The following NGF variants were observed in gnomAD, a reference collection of about 807,000 sequenced individuals.
NGF encodes the protein nerve growth factor.
Under a neutral mutation model 12.8 loss-of-function variants are expected in NGF, and 4 were observed. The observed-to-expected ratio is 0.31, with a 90% CI of 0.15 to 0.72. NGF has a LOEUF of 0.72. Among genes scored for constraint, NGF ranks in the 30% least tolerant of loss-of-function variants. The pLI is 0.69. For synonymous variants in NGF, 140 were observed against 130.0 expected (o/e 1.08, Z -0.52); for missense variants, 283 against 330.8 (o/e 0.86, Z 1.12).
At chr1:115,297,624 G>A (rs567441437) in intron 1 of NGF, among the ~76,000 whole-genome samples, 2 of 152,280 alleles carry the variant, frequency 1.3e-5, no homozygotes, top group East Asian at 3.9e-4. Context: ...TCTGCTGATC[G>A]TTTTTCAAGG....
intron 1 of NGF, among the ~76,000 whole-genome samples, chr1:115,329,095 AG>A (rs1327149368): frequency 1.3e-5 from 2 of 152,008 alleles, no homozygotes; most frequent in African/African-American, 2.4e-5. Flanking sequence ...AGAAAGAGGA[AG>A]GGAGAAGGGA....
intron 1 of NGF, among the ~76,000 whole-genome samples, chr1:115,299,512 C>G (rs1653968966): frequency 6.6e-6 from 1 of 152,092 alleles, no homozygotes; most frequent in Non-Finnish European, 1.5e-5. Context: ...ACGGCCCACA[C>G]CCCAGGGAGG....
intron 1 of NGF, among the ~76,000 whole-genome samples, chr1:115,321,147 G>A (rs1049248951): frequency 4.6e-5 from 7 of 152,172 alleles, no homozygotes; most frequent in Non-Finnish European, 7.3e-5. Flanking sequence ...CACTTAGCAC[G>A]TGGAAATGGC....
At chr1:115,335,116 C>G (rs986047394) in intron 1 of NGF, among the ~76,000 whole-genome samples, 1 of 152,204 alleles carries the variant, frequency 6.6e-6, no homozygotes, top group Non-Finnish European at 1.5e-5. Flanking sequence ...ACCAGAAAGT[C>G]TTCTCCATTG....
At chr1:115,336,383 T>TG (rs1655109191) in intron 1 of NGF, among the ~76,000 whole-genome samples, 1 of 152,158 alleles carries the variant, frequency 6.6e-6, no homozygotes, top group East Asian at 1.9e-4. Context: ...ATAAAGATGT[T>TG]GGGGAAAGAG....
At chr1:115,321,406 GT>G (rs370996716) in intron 1 of NGF, among the ~76,000 whole-genome samples, 14 of 152,124 alleles carry the variant, frequency 9.2e-5, no homozygotes, top group East Asian at 5.8e-4. Flanking sequence ...AGCTTTTTGG[GT>G]TTTTTTCCTT....
At chr1:115,314,937 G>A (rs79282167) in intron 1 of NGF, among the ~76,000 whole-genome samples, 2,921 of 152,316 alleles carry the variant, frequency 0.019, 95 homozygotes, top group African/African-American at 0.067. Context: ...GTCAGGAAAG[G>A]TCTTTCTGAT....
chr1:115,311,958 A>C (rs1654345635), intron 1 of NGF, among the ~76,000 whole-genome samples: 1 of 152,262 alleles, frequency 6.6e-6, no homozygotes, highest in Non-Finnish European at 1.5e-5. Flanking sequence ...ATTAAATTCT[A>C]CAATGAATAG....
intron 1 of NGF, among the ~76,000 whole-genome samples, chr1:115,335,113 A>C (rs1366106780): frequency 6.6e-6 from 1 of 152,228 alleles, no homozygotes; most frequent in East Asian, 1.9e-4. Flanking sequence ...ACCACCAGAA[A>C]GTCTTCTCCA....
intron 1 of NGF, among the ~76,000 whole-genome samples, chr1:115,323,783 A>G (rs1321887465): frequency 6.6e-6 from 1 of 152,228 alleles, no homozygotes; most frequent in Non-Finnish European, 1.5e-5. Context: ...AGCTAATCAC[A>G]TGTAGTCATC....
rs1295932753 is a variant in NGF, at chr1:115,309,679, A to G, written c.-136-15929T>C. ...TTATGAGTGAGAACATCAATGACAGACTAGATAAAGAAAATGTGGCACATA... is the reference window on the plus strand; with the variant it reads ...TTATGAGTGAGAACATCAATGACAGGCTAGATAAAGAAAATGTGGCACATA... On this transcript the variant is annotated intron_variant, in intron 1 of 2. Transcript: ENST00000369512. Among the ~76,000 whole-genome samples, 4 of 152,268 alleles carry G rather than the reference A, an allele frequency of 2.6e-5. No individual in the cohort carries two copies. The South Asian group carries it at 8.3e-4, about 32-fold the overall frequency.
In NGF at chr1:115,286,677, A is replaced by G; in HGVS notation, c.119T>C (p.Leu40Pro). Reference protein sequence around the residue: ...HTIPQAHWTKLQHSLDTALRR... With the variant: ...HTIPQAHWTKPQHSLDTALRR... ...AAGGGCAGTGTCAAGGGAATGCTGA[A>G]GTTTAGTCCAGTGGGCTTGGGGGAT... The change falls in exon 3 of 3, where the codon CTT becomes CCT. Residue 40 changes from leucine to proline, a missense_variant. This residue lies in a region of NGF where 151 missense variants were observed against 141.6 expected (regional missense o/e 1.07). Transcript: ENST00000369512. 6.2e-7 allele frequency: 1 copy of G among 1,614,222 alleles called. No homozygotes were observed. The highest frequency in any genetic ancestry group is 1.1e-5 in the South Asian group (1 of 91,086).
At chr1:115,331,271 T>C (rs1654914672) in intron 1 of NGF, among the ~76,000 whole-genome samples, 1 of 152,206 alleles carries the variant, frequency 6.6e-6, no homozygotes, top group Non-Finnish European at 1.5e-5. Flanking sequence ...TTAAGTAATG[T>C]GCTCACAGAG....
At chr1:115,303,636 C>T (rs1035985000) in intron 1 of NGF, among the ~76,000 whole-genome samples, 1 of 152,128 alleles carries the variant, frequency 6.6e-6, no homozygotes, top group Non-Finnish European at 1.5e-5. Context: ...AACATATTGC[C>T]ATGATTACCA....
intron 1 of NGF, among the ~76,000 whole-genome samples, chr1:115,335,632 G>A (rs1249724853): frequency 9.1e-6 from 1 of 110,266 alleles, no homozygotes; most frequent in Non-Finnish European, 1.7e-5. Flanking sequence ...CAGAGAATTT[G>A]CTGCCAGCAA....
chr1:115,305,891 T>C lies in NGF; in HGVS notation c.-136-12141A>G, dbSNP rs572041512. Among the ~76,000 whole-genome samples the C allele has an allele frequency of 2.0e-5, 3 of 152,334 alleles. No homozygotes were observed. In the East Asian group the frequency reaches 5.8e-4, roughly 29 times the overall value. ...TGCAGGCAAGACAGAAACTATTCAC[T>C]CTGGGCTGAGGATGTGATTCTCTGT... On this transcript the variant is annotated intron_variant, in intron 1 of 2. Coordinates refer to ENST00000369512, the MANE Select transcript of NGF (RefSeq NM_002506.3).
At chr1:115,314,020 C>A (rs577516447) in intron 1 of NGF, among the ~76,000 whole-genome samples, 17 of 152,136 alleles carry the variant, frequency 1.1e-4, no homozygotes, top group Non-Finnish European at 2.5e-4. Context: ...CTTCAGGATG[C>A]GGGTCCTGAG....
chr1:115,326,784 G>A (rs548589178), intron 1 of NGF, among the ~76,000 whole-genome samples: 56 of 152,254 alleles, frequency 3.7e-4, no homozygotes, highest in African/African-American at 1.3e-3. Flanking sequence ...GAACCAGCAC[G>A]AGCACCTGGA....
At chr1:115,327,147 G>A (rs1412822199) in intron 1 of NGF, among the ~76,000 whole-genome samples, 4 of 152,126 alleles carry the variant, frequency 2.6e-5, no homozygotes, top group Non-Finnish European at 4.4e-5. Context: ...CTAAACACCA[G>A]TATTGCCGGT....
Sources: allele counts gnomAD v4.1 joint callset (sites outside exome capture counted in the v4.1 genomes callset), GRCh38; gene constraint gnomAD v4.1.1; regional missense constraint gnomAD v4.1.1; transcripts MANE v1.5; gene names NCBI Gene and HGNC (gene_info 2026-07-23, HGNC 2026-07-21).